Variants in HES1 observed in about 807,000 individuals in gnomAD.
HES1 encodes the protein transcription factor HES-1.
HES1 carries 7 observed loss-of-function variants against 21.0 expected under a neutral mutation model. The ratio of observed to expected loss-of-function variants is 0.33; its 90% CI spans 0.19 to 0.63. The LOEUF is 0.63. HES1 is among the 20% of genes least tolerant of loss of function. The probability of loss-of-function intolerance (pLI) is 0.78; values close to 1 mark genes in which losing one functional copy is unlikely to be tolerated. For missense variants in HES1, 338 were observed against 389.8 expected (o/e 0.87, Z 1.12); for synonymous variants, 169 against 171.2 (o/e 0.99, Z 0.10).
chr3:194,138,216 A>C lies in HES1; in HGVS notation c.826A>C (p.Arg276=). ...GPSLTADSMW[R]PWRN The stretch of plus-strand genomic sequence containing the variant: ...CTCGCTTACGGCGGACTCCATGTGG[A>C]GGCCGTGGCGGAACTGAGGGGGCTC... Residue 276 remains arginine, a synonymous_variant, in exon 4 of 4, where the codon AGG becomes CGG. Transcript: ENST00000232424. The C allele has an allele frequency of 1.3e-6, 2 of 1,582,886 alleles. No homozygotes were observed. The highest frequency in any genetic ancestry group is 4.7e-5 in the East Asian group (2 of 42,612).
chr3:194,136,868 A>G (rs2236747), intron 2 of HES1, 93 bp from the exon 3 acceptor site: 2 of 1,413,356 alleles, frequency 1.4e-6, no homozygotes, highest in African/African-American at 1.4e-5. Context: ...GTCCAGAGAT[A>G]ATGCTTGCGC....
Position 194,137,653 on chromosome 3 carries a change from G to A in HES1, c.293-30G>A. ...GTGGCCACGGGGCCAGGGCCGTTCGGTGACCCGTCTGTCTCTTTCTGGCCC... is the reference window on the plus strand; with the variant it reads ...GTGGCCACGGGGCCAGGGCCGTTCGATGACCCGTCTGTCTCTTTCTGGCCC... On this transcript the variant is annotated intron_variant, in intron 3 of 3. Coordinates refer to ENST00000232424, the MANE Select transcript of HES1 (RefSeq NM_005524.4). This position sits in a 1 kb window ranked among gnomAD's most constrained non-coding sequence, Gnocchi z 5.4. 6.5e-7 allele frequency: 1 copy of A among 1,549,006 alleles called. No homozygotes were observed. Among genetic ancestry groups the A allele is most frequent in the South Asian group, 1.2e-5 (1 of 80,944 alleles).
rs1246459248 is a variant in HES1, at chr3:194,138,000, A to G, written c.610A>G (p.Lys204Glu). 1 of 1,472,794 alleles carries G rather than the reference A, an allele frequency of 6.8e-7. No homozygotes were observed. The highest frequency in any genetic ancestry group is 1.4e-5 in the African/African-American group (1 of 69,306). The allele number at this position is 1,472,794 out of a possible 1,614,324, so 91.2% of individuals were successfully genotyped here. ...AAPPPGGAPCKLGSQAGEAAK... is the reference protein window; with the variant it reads ...AAPPPGGAPCELGSQAGEAAK... Reference sequence around the variant, plus strand: ...GCCCCCTCCCGGCGGCGCCCCCTGCAAGCTGGGCAGCCAGGCTGGAGAGGC... The same window carrying G: ...GCCCCCTCCCGGCGGCGCCCCCTGCGAGCTGGGCAGCCAGGCTGGAGAGGC... The change falls in exon 4 of 4, where the codon AAG becomes GAG. Residue 204 changes from lysine (K) to glutamate (E), a missense_variant. By Grantham distance (56) the Lys-to-Glu change is moderately conservative. Transcript: ENST00000232424. This position sits in a 1 kb window ranked among gnomAD's most constrained non-coding sequence, Gnocchi z 5.4.
In HES1 at chr3:194,137,283, C is replaced by G. The variant is rs1049435295; in HGVS notation, c.292+235C>G. The G allele has an allele frequency of 1.9e-4, 115 of 603,930 alleles. No homozygotes were observed. The highest frequency in any genetic ancestry group is 2.1e-5 in the Non-Finnish European group (7 of 340,148). 37.4% of individuals were successfully genotyped at this position (603,930 alleles called of 1,614,324 possible). A position where few individuals can be genotyped will look rare whatever the true frequency, so the allele number is the denominator to read the frequency against. ...GAGGGTGGCGGGCGCCGGGTAGGGG[C>G]GAAAGGACTTAGGACTGTGGCGGTT... On this transcript the variant is annotated intron_variant, in intron 3 of 3. Coordinates refer to ENST00000232424, the MANE Select transcript of HES1 (RefSeq NM_005524.4). The surrounding 1 kb of genome is among the most constrained non-coding windows in gnomAD (Gnocchi z 5.4).
Position 194,138,468 on chromosome 3 carries a change from A to G in HES1, c.*235A>G, listed in dbSNP as rs1364182513. ...TCATATTGGATTGCGCCTTTGTATT[A>G]TAAAAGCTCAGATGACATTTCGTTT... On this transcript the variant is annotated 3_prime_UTR_variant, in exon 4 of 4. Transcript: ENST00000232424. The G allele has an allele frequency of 2.6e-6, 1 of 389,724 alleles. No individual in the cohort carries two copies. Among genetic ancestry groups the G allele is most frequent in the Non-Finnish European group, 4.5e-6 (1 of 223,512 alleles). 24.1% of individuals were successfully genotyped at this position (389,724 alleles called of 1,614,324 possible). A position where few individuals can be genotyped will look rare whatever the true frequency, so the allele number is the denominator to read the frequency against.
chr3:194,137,666 C>T lies in HES1; in HGVS notation c.293-17C>T. On this transcript the variant is annotated splice_polypyrimidine_tract_variant and intron_variant, in intron 3 of 3. Coordinates refer to ENST00000232424, the MANE Select transcript of HES1 (RefSeq NM_005524.4). The surrounding 1 kb of genome is among the most constrained non-coding windows in gnomAD (Gnocchi z 5.4). ...CAGGGCCGTTCGGTGACCCGTCTGT[C>T]TCTTTCTGGCCCGCAGCTGCGCTGA... 2 of 1,562,782 alleles carry T rather than the reference C, an allele frequency of 1.3e-6. No individual in the cohort carries two copies. Among genetic ancestry groups the T allele is most frequent in the Non-Finnish European group, 1.7e-6 (2 of 1,150,150 alleles).
Position 194,136,544 on chromosome 3 carries a change from G to A in HES1, c.108+56G>A, listed in dbSNP as rs918270835. On this transcript the variant is annotated intron_variant, in intron 1 of 3. Transcript: ENST00000232424. ...CCCTCAAAATTAAGTAGGGGTTGGG[G>A]GGCTTCTTTCTGTCTTGAAACCCCG... 1.9e-6 allele frequency: 3 copies of A among 1,562,424 alleles called. No homozygotes were observed. The South Asian group carries it at 3.5e-5, about 18-fold the overall frequency.
chr3:194,138,099 G>A lies in HES1; in HGVS notation c.709G>A (p.Ala237Thr), dbSNP rs561173710. The A allele has an allele frequency of 1.2e-6, 2 of 1,612,336 alleles. No individual in the cohort carries two copies. The highest frequency in any genetic ancestry group is 1.1e-5 in the South Asian group (1 of 90,750). The change falls in exon 4 of 4, where the codon GCC becomes ACC. Residue 237 changes from alanine to threonine, a missense_variant. Coordinates refer to ENST00000232424, the MANE Select transcript of HES1 (RefSeq NM_005524.4). ...GQFAFLIPNG[A>T]FAHSGPVIPV... ...GTTTGCTTTCCTCATTCCCAACGGG[G>A]CCTTCGCGCACAGCGGCCCTGTCAT... is the stretch of plus-strand genomic sequence containing the variant.
rs780887760 is a variant in HES1, at chr3:194,136,774, G to A, written c.204+62G>A. 5 of 1,495,264 alleles carry A rather than the reference G, an allele frequency of 3.3e-6. No homozygotes were observed. The African/African-American group carries it at 5.5e-5, about 17-fold the overall frequency. 92.6% of individuals were successfully genotyped at this position (1,495,264 alleles called of 1,614,324 possible). A position where few individuals can be genotyped will look rare whatever the true frequency, so the allele number is the denominator to read the frequency against. ...AAACAAACACTTTCTCAGCTACTAA[G>A]AGTGAAACCCCCCGCCCTGCGGGGT... On this transcript the variant is annotated intron_variant, in intron 2 of 3. Coordinates refer to ENST00000232424, the MANE Select transcript of HES1 (RefSeq NM_005524.4).
Position 194,138,653 on chromosome 3 carries a change from T to A in HES1, c.*420T>A, listed in dbSNP as rs999817608. ...TCTTCCAGAATATGTAAAAAGGCTT[T>A]TGGTGGAATTTGAATTACATGTAAT... On this transcript the variant is annotated 3_prime_UTR_variant, in exon 4 of 4. Transcript: ENST00000232424. The A allele has an allele frequency of 6.4e-6, 1 of 155,560 alleles. No individual in the cohort carries two copies. The highest frequency in any genetic ancestry group is 2.4e-5 in the African/African-American group (1 of 41,602). The allele number at this position is 155,560 out of a possible 1,614,324, so 9.6% of individuals were successfully genotyped here. A position where few individuals can be genotyped will look rare whatever the true frequency, so the allele number is the denominator to read the frequency against.
At chr3:194,136,811 TG>T (rs1321810127) in intron 2 of HES1, 99 bp downstream of exon 2, 1 of 1,368,168 alleles carries the variant, frequency 7.3e-7, no homozygotes, top group Non-Finnish European at 1.0e-6. Context: ...TGGCACTCGC[TG>T]GTACTGCGTT....
Position 194,136,317 on chromosome 3 carries a change from TTC to T in HES1, c.-62_-61del. The T allele has an allele frequency of 2.0e-6, 2 of 994,364 alleles. No individual in the cohort carries two copies. Among genetic ancestry groups the T allele is most frequent in the Non-Finnish European group, 3.0e-6 (2 of 670,476 alleles). 61.6% of individuals were successfully genotyped at this position (994,364 alleles called of 1,614,324 possible). ...AAGTAAAAGAGACACAAACAAAAAA[TTC>T]TTTTTCGTGAAGAACTCCAAAAATA... On this transcript the variant is annotated 5_prime_UTR_variant, in exon 1 of 4. Transcript: ENST00000232424.
Position 194,137,769 on chromosome 3 carries a change from A to G in HES1, c.379A>G (p.Thr127Ala). 1 of 1,613,732 alleles carries G rather than the reference A, an allele frequency of 6.2e-7. No homozygotes were observed. The highest frequency in any genetic ancestry group is 8.5e-7 in the Non-Finnish European group (1 of 1,179,904). The change falls in exon 4 of 4, where the codon ACG becomes GCG. Residue 127 changes from threonine (T) to alanine (A), a missense_variant. Thr to Ala is a moderately conservative substitution (Grantham distance 58). Transcript: ENST00000232424. This position sits in a 1 kb window ranked among gnomAD's most constrained non-coding sequence, Gnocchi z 5.4. ...GAACGAGGTGACCCGCTTCCTGTCC[A>G]CGTGCGAGGGCGTTAATACCGAGGT... is the stretch of plus-strand genomic sequence containing the variant. ...CMNEVTRFLS[T>A]CEGVNTEVRT...
rs1715377837 is a variant in HES1, at chr3:194,137,648, G to A, written c.293-35G>A. 2.6e-6 allele frequency: 4 copies of A among 1,544,564 alleles called. No homozygotes were observed. Among genetic ancestry groups the A allele is most frequent in the Non-Finnish European group, 3.5e-6 (4 of 1,140,296 alleles). On this transcript the variant is annotated intron_variant, in intron 3 of 3. Coordinates refer to ENST00000232424, the MANE Select transcript of HES1 (RefSeq NM_005524.4). This position sits in a 1 kb window ranked among gnomAD's most constrained non-coding sequence, Gnocchi z 5.4. Reference sequence around the variant, plus strand: ...AGGCAGTGGCCACGGGGCCAGGGCCGTTCGGTGACCCGTCTGTCTCTTTCT... The same window carrying A: ...AGGCAGTGGCCACGGGGCCAGGGCCATTCGGTGACCCGTCTGTCTCTTTCT...
chr3:194,136,514 G>A (rs757883081), intron 1 of HES1, 26 bp downstream of exon 1: 25 of 1,574,158 alleles, frequency 1.6e-5, no homozygotes, highest in Non-Finnish European at 2.2e-5. Context: ...GTATCTCTTT[G>A]CAGCCCCTCA....
chr3:194,136,872 C>T (rs1301462891), intron 2 of HES1, 89 bp from the exon 3 acceptor site: 1 of 1,431,204 alleles, frequency 7.0e-7, no homozygotes, highest in Non-Finnish European at 9.9e-7. Flanking sequence ...AGAGATAATG[C>T]TTGCGCTCCG....
chr3:194,138,289 G>T lies in HES1; in HGVS notation c.*56G>T, dbSNP rs1715399600. The T allele has an allele frequency of 1.4e-6, 2 of 1,436,052 alleles. No individual in the cohort carries two copies. The highest frequency in any genetic ancestry group is 1.8e-6 in the Non-Finnish European group (2 of 1,092,934). The allele number at this position is 1,436,052 out of a possible 1,614,324, so 89.0% of individuals were successfully genotyped here. On this transcript the variant is annotated 3_prime_UTR_variant, in exon 4 of 4. Transcript: ENST00000232424. ...CCCCAACCCACCTCTCTTCCCTCCGGACTCTAAACAGGAACTTGAATACTG... is the reference window on the plus strand; with the variant it reads ...CCCCAACCCACCTCTCTTCCCTCCGTACTCTAAACAGGAACTTGAATACTG...
At position 194,137,484 on chromosome 3, in the gene HES1, A is replaced by T. The variant is rs1715373466; in HGVS notation, c.293-199A>T. ...TAAATGCAGCTACAGGGAATCGGGA[A>T]GGAGTGGCTCGGCTTTTGGCAGCAA... On this transcript the variant is annotated intron_variant, in intron 3 of 3. Coordinates refer to ENST00000232424, the MANE Select transcript of HES1 (RefSeq NM_005524.4). The surrounding 1 kb of genome is among the most constrained non-coding windows in gnomAD (Gnocchi z 5.4). 6.6e-6 allele frequency among the ~76,000 whole-genome samples: 1 copy of T among 152,196 alleles called. No individual in the cohort carries two copies. Among genetic ancestry groups the T allele is most frequent in the Admixed American group, 6.5e-5 (1 of 15,290 alleles).
Position 194,137,533 on chromosome 3 carries a change from T to G in HES1, c.293-150T>G, listed in dbSNP as rs796785137. 2 of 784,710 alleles carry G rather than the reference T, an allele frequency of 2.5e-6. No individual in the cohort carries two copies. 48.6% of individuals were successfully genotyped at this position (784,710 alleles called of 1,614,324 possible). On this transcript the variant is annotated intron_variant, in intron 3 of 3. Transcript: ENST00000232424. The surrounding 1 kb of genome is among the most constrained non-coding windows in gnomAD (Gnocchi z 5.4). ...AACGCTAGTGTGGAGAGGTGGCTGG[T>G]TTTTTCTAAACCCATCTCACCCTCC...
Sources: allele counts gnomAD v4.1 joint callset (sites outside exome capture counted in the v4.1 genomes callset), GRCh38; gene constraint gnomAD v4.1.1; non-coding constraint Gnocchi (gnomAD v3.1); transcripts MANE v1.5; gene names NCBI Gene and HGNC (gene_info 2026-07-23, HGNC 2026-07-21).